Variants in KIF1C observed in about 807,000 individuals in gnomAD.
KIF1C encodes kinesin family member 1C.
In KIF1C, 61 loss-of-function variants were observed where a neutral mutation model predicts 126.5. That is an observed-to-expected ratio of 0.48 (90% confidence interval 0.39 to 0.60). KIF1C has a LOEUF of 0.60. Among genes scored for constraint, KIF1C ranks in the 20% least tolerant of loss-of-function variants. The pLI is 0.00. For synonymous variants in KIF1C, 640 were observed against 580.6 expected (o/e 1.10, Z -1.47); for missense variants, 1,315 against 1,489.2 (o/e 0.88, Z 1.93).
chr17:5,014,344 G>A (rs907908246), intron 17 of KIF1C: 7 of 188,890 alleles, frequency 3.7e-5, no homozygotes, highest in Middle Eastern at 2.4e-3. Flanking sequence ...CCAGTGGCCC[G>A]GGGGGCAGCC....
intron 18 of KIF1C, among the ~76,000 whole-genome samples, chr17:5,017,290 G>GTTT (rs1974990804): frequency 7.3e-6 from 1 of 136,922 alleles, no homozygotes; most frequent in African/African-American, 2.7e-5. Flanking sequence ...GTGGGCCTTG[G>GTTT]TTCTTTTTTT....
intron 1 of KIF1C, among the ~76,000 whole-genome samples, 167 bp from the exon 2 acceptor site, chr17:4,999,683 A>G (rs1471314121): frequency 6.6e-6 from 1 of 152,130 alleles, no homozygotes; most frequent in East Asian, 1.9e-4. Context: ...GAATAAAAAT[A>G]TCACCGTCCC....
At position 5,024,236 on chromosome 17, in the gene KIF1C, T is replaced by A; in HGVS notation, c.*85T>A. 1 of 1,005,604 alleles carries A rather than the reference T, an allele frequency of 9.9e-7. No individual in the cohort carries two copies. The highest frequency in any genetic ancestry group is 1.5e-6 in the Non-Finnish European group (1 of 677,894). 62.3% of individuals were successfully genotyped at this position (1,005,604 alleles called of 1,614,324 possible). A position where few individuals can be genotyped will look rare whatever the true frequency, so the allele number is the denominator to read the frequency against. On this transcript the variant is annotated 3_prime_UTR_variant, in exon 23 of 23. Coordinates refer to ENST00000320785, the MANE Select transcript of KIF1C (RefSeq NM_006612.6). The stretch of plus-strand genomic sequence containing the variant: ...CGAGACGCTGCTTCCCCAGAAGTGC[T>A]GGGGCAGGGAGGCCCAGGAGATGAG...
At position 5,003,975 on chromosome 17, in the gene KIF1C, T is replaced by G. The variant is rs780705184; in HGVS notation, c.865-23T>G. 3 of 1,612,324 alleles carry G rather than the reference T, an allele frequency of 1.9e-6. No individual in the cohort carries two copies. The Middle Eastern group carries it at 5.0e-4, about 266-fold the overall frequency. On this transcript the variant is annotated intron_variant, in intron 10 of 22. Transcript: ENST00000320785. ...GAAAGGGGAGTGACCCACCCTAACC[T>G]CCTTCCTCCTTTTATCCCCCAGCAA...
rs1975200413 is a variant in KIF1C at position 5,025,844 on chromosome 17, T to A, written c.*1693T>A. ...CAAGAAAAATTAAAAAACTGTTTGT[T>A]GCCTGCTTGTTTTAATGTTCTGGCT... On this transcript the variant is annotated 3_prime_UTR_variant, in exon 23 of 23. Coordinates refer to ENST00000320785, the MANE Select transcript of KIF1C (RefSeq NM_006612.6). 6.6e-6 allele frequency: 1 copy of A among 152,172 alleles called. No individual in the cohort carries two copies. The allele number at this position is 152,172 out of a possible 1,614,324, so 9.4% of individuals were successfully genotyped here.
intron 18 of KIF1C, among the ~76,000 whole-genome samples, chr17:5,017,334 C>T (rs1398047737): frequency 2.3e-5 from 3 of 127,782 alleles, no homozygotes; most frequent in South Asian, 2.5e-4. Context: ...GAGTCTCGCT[C>T]TGTCGCCCAG....
rs368371260 is a variant in KIF1C, at chr17:5,001,405, C to T, written c.363+4C>T. 42 of 1,612,858 alleles carry T rather than the reference C, an allele frequency of 2.6e-5. No individual in the cohort carries two copies. Among genetic ancestry groups the T allele is most frequent in the Non-Finnish European group, 3.3e-5 (39 of 1,179,316 alleles). ...GCAGCAGGGCATCGTGCCCCAGGTA[C>T]GCCTAGGACCTGGTGGGGCAGCCAG... On this transcript the variant is annotated splice_donor_region_variant and intron_variant, in intron 5 of 22. Transcript: ENST00000320785.
At chr17:5,009,284 A>C (rs1247573816) in intron 16 of KIF1C, among the ~76,000 whole-genome samples, 1 of 151,492 alleles carries the variant, frequency 6.6e-6, no homozygotes, top group East Asian at 2.0e-4. Context: ...GGTTCATACG[A>C]TTCTTCTGCC....
intron 16 of KIF1C, among the ~76,000 whole-genome samples, chr17:5,010,601 G>T (rs936426842): frequency 5.3e-5 from 8 of 151,656 alleles, no homozygotes. Flanking sequence ...GAAAAAATTA[G>T]CCGGGCGTGG....
intron 13 of KIF1C, among the ~76,000 whole-genome samples, chr17:5,006,330 C>T (rs1240991977): frequency 1.4e-5 from 2 of 145,226 alleles, no homozygotes; most frequent in African/African-American, 2.6e-5. Flanking sequence ...CCACTGTGTC[C>T]GGCCCAGCTA....
intron 18 of KIF1C, 82 bp downstream of exon 18, chr17:5,014,919 G>A: frequency 1.7e-6 from 2 of 1,208,612 alleles, no homozygotes; most frequent in South Asian, 2.6e-5. Flanking sequence ...AGAGGTCTGG[G>A]TTGGGCACCA....
intron 1 of KIF1C, among the ~76,000 whole-genome samples, chr17:4,999,238 C>G (rs1008348914): frequency 6.6e-6 from 1 of 152,162 alleles, no homozygotes; most frequent in African/African-American, 2.4e-5. Context: ...TGGACTTTGC[C>G]CATCTGCACT....
At chr17:5,014,538 G>A (rs916648972) in intron 17 of KIF1C, among the ~76,000 whole-genome samples, 1 of 152,192 alleles carries the variant, frequency 6.6e-6, no homozygotes, top group Non-Finnish European at 1.5e-5. Flanking sequence ...TTCAGAGTCA[G>A]GCAGACCTGG....
intron 13 of KIF1C, 66 bp from the exon 14 acceptor site, chr17:5,006,849 C>T: frequency 1.3e-6 from 2 of 1,538,644 alleles, no homozygotes; most frequent in Non-Finnish European, 1.8e-6. Context: ...CTCTTGGTCT[C>T]CTGGATGTCT....
Position 5,020,087 on chromosome 17 carries a change from A to T in KIF1C, c.1750+8A>T. Reference sequence around the variant, plus strand: ...CGCTGGTGCTGAAGTCAGGTAGAAGATGTGTCGCAGATTGAGGGTTCTGGG... The same window carrying T: ...CGCTGGTGCTGAAGTCAGGTAGAAGTTGTGTCGCAGATTGAGGGTTCTGGG... On this transcript the variant is annotated splice_region_variant and intron_variant, in intron 19 of 22. Transcript: ENST00000320785. The surrounding 1 kb of genome is among the most constrained non-coding windows in gnomAD (Gnocchi z 5.8). The T allele has an allele frequency of 1.3e-6, 2 of 1,577,758 alleles. No homozygotes were observed. The highest frequency in any genetic ancestry group is 1.7e-6 in the Non-Finnish European group (2 of 1,160,982).
At chr17:5,019,009 G>A (rs1975035401) in intron 18 of KIF1C, among the ~76,000 whole-genome samples, 1 of 152,036 alleles carries the variant, frequency 6.6e-6, no homozygotes. Flanking sequence ...TGCTGCTGCT[G>A]TTTCCCCGAC....
At position 5,020,722 on chromosome 17, in the gene KIF1C, C is replaced by A; in HGVS notation, c.1937+44C>A. On this transcript the variant is annotated intron_variant, in intron 20 of 22. Transcript: ENST00000320785. The surrounding 1 kb of genome is among the most constrained non-coding windows in gnomAD (Gnocchi z 5.8). ...CGTGCCCCATGGCCGTCTAGGCCGT[C>A]CCTCCCGGGCCTCTGGGCCCGTGTC... The A allele has an allele frequency of 6.2e-7, 1 of 1,609,424 alleles. No homozygotes were observed. The highest frequency in any genetic ancestry group is 1.3e-5 in the African/African-American group (1 of 74,880).
chr17:5,001,953 G>A (rs1415463529), intron 5 of KIF1C, 106 bp from the exon 6 acceptor site: 2 of 994,308 alleles, frequency 2.0e-6, no homozygotes, highest in South Asian at 1.3e-5. Flanking sequence ...CAAGGCTGTA[G>A]CAAGGGTTAA....
At chr17:5,018,703 CA>C (rs372234383) in intron 18 of KIF1C, among the ~76,000 whole-genome samples, 125 of 132,798 alleles carry the variant, frequency 9.4e-4, no homozygotes, top group Admixed American at 1.2e-3. Context: ...AACTCCATCT[CA>C]AAAAAAAAAA....
Sources: gnomAD v4.1 joint callset for allele counts (sites outside exome capture counted in the v4.1 genomes callset) on GRCh38, gnomAD v4.1.1 for gene constraint, Gnocchi (gnomAD v3.1) non-coding constraint, MANE v1.5 for transcripts, NCBI Gene and HGNC (gene_info 2026-07-23, HGNC 2026-07-21) for gene names.